The following POLK variants were observed in gnomAD, a reference collection of about 807,000 sequenced individuals.
POLK encodes polymerase (DNA directed) kappa.
In POLK, 76 loss-of-function variants were observed where a neutral mutation model predicts 94.0. The ratio of observed to expected loss-of-function variants is 0.81; its 90% CI spans 0.67 to 0.98. The LOEUF is 0.98. Among genes scored for constraint, POLK ranks in the 50% least tolerant of loss-of-function variants. POLK has a pLI of 0.00. For missense variants in POLK, 954 were observed against 1,010.1 expected (o/e 0.94, Z 0.75); for synonymous variants, 349 against 325.4 (o/e 1.07, Z -0.78).
chr5:75,598,153 G>A lies in POLK; in HGVS notation c.*135G>A, dbSNP rs1269912127. On this transcript the variant is annotated 3_prime_UTR_variant, in exon 15 of 15. Coordinates refer to ENST00000241436, the Ensembl canonical transcript of POLK. ...AATAATCCTTCCTCAGATGATGTTTGCTTTTCTAAGATACATATACTGATT... is the reference window on the plus strand; with the variant it reads ...AATAATCCTTCCTCAGATGATGTTTACTTTTCTAAGATACATATACTGATT... The A allele has an allele frequency of 3.7e-5, 17 of 460,062 alleles. No individual in the cohort carries two copies. The East Asian group carries it at 6.3e-4, about 17-fold the overall frequency. 28.5% of individuals were successfully genotyped at this position (460,062 alleles called of 1,614,324 possible). A position where few individuals can be genotyped will look rare whatever the true frequency, so the allele number is the denominator to read the frequency against.
intron 12 of POLK, among the ~76,000 whole-genome samples, chr5:75,594,843 A>G (rs1164130668): frequency 1.3e-5 from 2 of 152,248 alleles, no homozygotes; most frequent in East Asian, 1.9e-4. Context: ...TTGAAAGTAT[A>G]TATGTGGATC....
intron 1 of POLK, among the ~76,000 whole-genome samples, chr5:75,514,530 T>G (rs550908362): frequency 6.6e-6 from 1 of 152,348 alleles, no homozygotes; most frequent in South Asian, 2.1e-4. Context: ...ATTTGATTTA[T>G]TCGCTCTTCA....
intron 3 of POLK, among the ~76,000 whole-genome samples, chr5:75,561,812 G>A (rs1209547011): frequency 6.6e-6 from 1 of 152,112 alleles, no homozygotes; most frequent in Admixed American, 6.5e-5. Context: ...AGATCAGATG[G>A]TTGTAGATAT....
chr5:75,510,892 T>G (rs577248793), upstream of POLK, among the ~76,000 whole-genome samples: 6 of 152,246 alleles, frequency 3.9e-5, no homozygotes, highest in African/African-American at 1.2e-4. Flanking sequence ...ATCTCAGGTT[T>G]ATACACCCTT....
chr5:75,544,495 A>G (rs1314462479), intron 1 of POLK, among the ~76,000 whole-genome samples: 1 of 152,136 alleles, frequency 6.6e-6, no homozygotes, highest in Non-Finnish European at 1.5e-5. Flanking sequence ...TACAAAAATT[A>G]ACCAGGCATG....
At chr5:75,594,469 AGTT>A (rs1474156586) in intron 12 of POLK, among the ~76,000 whole-genome samples, 3 of 152,334 alleles carry the variant, frequency 2.0e-5, no homozygotes, top group Non-Finnish European at 2.9e-5. Flanking sequence ...GGTCAATTAA[AGTT>A]GTTATTTTCC....
intron 1 of POLK, among the ~76,000 whole-genome samples, chr5:75,522,474 A>G (rs755849235): frequency 7.9e-5 from 12 of 152,176 alleles, no homozygotes; most frequent in Non-Finnish European, 1.6e-4. Context: ...TTGGAACCCA[A>G]AACCGGTTTC....
exon 7 of POLK, chr5:75,581,317 A>C: frequency 6.2e-7 from 1 of 1,614,038 alleles, no homozygotes; most frequent in Non-Finnish European, 8.5e-7. Flanking sequence ...GATCCTTTCC[A>C]AGTGAACTTT....
rs528955021 is a variant in POLK, at chr5:75,537,895, C to T, written c.-13-9115C>T. 7.9e-5 allele frequency among the ~76,000 whole-genome samples: 12 copies of T among 151,540 alleles called. No individual in the cohort carries two copies. The South Asian group carries it at 1.9e-3, about 24-fold the overall frequency. On this transcript the variant is annotated intron_variant, in intron 1 of 14. Transcript: ENST00000241436. ...TTTTTGAGACGGAGTCTTGCTCTGT[C>T]GCCCAGGTTGGAGTGCACTGGCGCA...
At position 75,588,401 on chromosome 5, in the gene POLK, A is replaced by G. The variant is rs534027884; in HGVS notation, c.1259+1343A>G. Among the ~76,000 whole-genome samples the G allele has an allele frequency of 1.8e-4, 28 of 152,322 alleles. No homozygotes were observed. The South Asian group carries it at 4.1e-3, about 23-fold the overall frequency. ...AAATGAACAAAGTTCTAAATAATTA[A>G]CAGAAAAGGAAATACAAATGGCTCT... On this transcript the variant is annotated intron_variant, in intron 10 of 14. Coordinates refer to ENST00000241436, the Ensembl canonical transcript of POLK.
chr5:75,596,331 A>G (rs1773082589), exon 13 of POLK: 1 of 1,613,102 alleles, frequency 6.2e-7, no homozygotes, highest in Middle Eastern at 1.6e-4. Flanking sequence ...CTGAGTGTAC[A>G]TTAGAGAAAA....
chr5:75,573,836 C>A lies in POLK; in HGVS notation c.507C>A (p.Pro169=), dbSNP rs141564658. Residue 169 remains proline, a synonymous_variant, in exon 5 of 15, where the codon CCC becomes CCA. Transcript: ENST00000241436. Reference sequence around the variant, plus strand: ...GCCCACAACTTATAATAGTGCCCCCCAACTTTGACAAATACCGAGCTGTGA... The same window carrying A: ...GCCCACAACTTATAATAGTGCCCCCAAACTTTGACAAATACCGAGCTGTGA... The A allele has an allele frequency of 9.3e-4, 1,506 of 1,613,444 alleles. 10 individuals are homozygous for A. The East Asian group carries it at 0.021, about 22-fold the overall frequency.
chr5:75,516,841 T>G (rs771897439), intron 1 of POLK, among the ~76,000 whole-genome samples: 1 of 152,250 alleles, frequency 6.6e-6, no homozygotes, highest in Non-Finnish European at 1.5e-5. Context: ...ATCTGAGAGA[T>G]AGTCTTATTC....
intron 1 of POLK, among the ~76,000 whole-genome samples, chr5:75,524,117 A>G (rs1288033837): frequency 2.0e-5 from 3 of 151,576 alleles, no homozygotes; most frequent in Non-Finnish European, 2.9e-5. Context: ...GTGACGAGTG[A>G]GACTCCGTCT....
Position 75,594,021 on chromosome 5 carries a change from TC to T in POLK, c.1502del (p.Pro501HisfsTer4), listed in dbSNP as rs1772932190. 5 of 1,611,576 alleles carry T rather than the reference TC, an allele frequency of 3.1e-6. No individual in the cohort carries two copies. In the South Asian group the frequency reaches 4.4e-5, roughly 14 times the overall value. ...TAAAAACAGAAATTGATGCTGATTT[TC>T]CACATCCCTTGAGATTAAGGCTTAT... is the stretch of plus-strand genomic sequence containing the variant. On this transcript the variant is annotated frameshift_variant, in exon 12 of 15. Coordinates refer to ENST00000241436, the Ensembl canonical transcript of POLK. LOFTEE classifies it high-confidence loss of function.
At chr5:75,537,180 T>C (rs749830569) in intron 1 of POLK, among the ~76,000 whole-genome samples, 10 of 152,216 alleles carry the variant, frequency 6.6e-5, no homozygotes, top group Non-Finnish European at 1.3e-4. Flanking sequence ...CTGGTGCTGA[T>C]CTGCTCCGGG....
At chr5:75,587,984 A>G (rs1463205684) in intron 10 of POLK, among the ~76,000 whole-genome samples, 1 of 152,178 alleles carries the variant, frequency 6.6e-6, no homozygotes, top group Non-Finnish European at 1.5e-5. Context: ...TTTCACATAT[A>G]TTATTTGTGG....
intron 2 of POLK, among the ~76,000 whole-genome samples, 190 bp downstream of exon 2, chr5:75,547,347 A>G (rs892924095): frequency 1.3e-5 from 2 of 151,980 alleles, no homozygotes; most frequent in African/African-American, 4.8e-5. Context: ...TTTCTATTTC[A>G]CATGCATATA....
chr5:75,520,903 G>A (rs1243815066), intron 1 of POLK, among the ~76,000 whole-genome samples: 1 of 152,094 alleles, frequency 6.6e-6, no homozygotes, highest in Non-Finnish European at 1.5e-5. Flanking sequence ...TTCTTCAATG[G>A]CAGTTGTTTC....
Sources: gnomAD v4.1 joint callset for allele counts (sites outside exome capture counted in the v4.1 genomes callset) on GRCh38, gnomAD v4.1.1 for gene constraint, MANE v1.5 for transcripts, NCBI Gene and HGNC (gene_info 2026-07-23, HGNC 2026-07-21) for gene names.